The following ALDH1A2 variants were observed in gnomAD, a reference collection of about 807,000 sequenced individuals.
ALDH1A2 encodes the protein aldehyde dehydrogenase 1 family member A2, also known as retinal dehydrogenase 2.
ALDH1A2 carries 27 observed loss-of-function variants against 60.3 expected under a neutral mutation model. The ratio of observed to expected loss-of-function variants is 0.45; its 90% confidence interval spans 0.33 to 0.62. The LOEUF (loss-of-function observed/expected upper bound fraction) is 0.62. ALDH1A2 is among the 20% of genes least tolerant of loss of function. The pLI is 0.02. For missense variants in ALDH1A2, 581 were observed against 643.8 expected, an observed-to-expected ratio of 0.90 and a Z score of 1.06; for synonymous variants, 289 against 232.4, an observed-to-expected ratio of 1.24 and a Z score of -2.21.
intron 1 of ALDH1A2, among the ~76,000 whole-genome samples, chr15:58,019,166 T>G (rs1466277299): frequency 6.6e-6 from 1 of 152,074 alleles, no homozygotes; most frequent in African/African-American, 2.4e-5. Flanking sequence ...AAAAAAAAAG[T>G]TTAAAAGTCA....
At chr15:57,973,951 A>T (rs1894153336) in intron 7 of ALDH1A2, among the ~76,000 whole-genome samples, 1 of 152,134 alleles carries the variant, frequency 6.6e-6, no homozygotes, top group Non-Finnish European at 1.5e-5. Flanking sequence ...TCTTTCCCAA[A>T]TTCTCCCTTC....
intron 4 of ALDH1A2, among the ~76,000 whole-genome samples, chr15:58,008,247 G>T (rs1895521370): frequency 6.6e-6 from 1 of 151,992 alleles, no homozygotes. Flanking sequence ...AAACTTTTTG[G>T]GGAAAAACAG....
chr15:58,014,964 A>C (rs562944575), intron 1 of ALDH1A2, among the ~76,000 whole-genome samples: 1 of 152,332 alleles, frequency 6.6e-6, no homozygotes, highest in South Asian at 2.1e-4. Context: ...ATTGAGATTA[A>C]AATGGCAAAG....
chr15:58,051,614 T>C (rs1363591617), intron 1 of ALDH1A2, among the ~76,000 whole-genome samples: 1 of 152,132 alleles, frequency 6.6e-6, no homozygotes, highest in East Asian at 1.9e-4. Flanking sequence ...ATGAGAGGCC[T>C]ATATGAGAAA....
intron 7 of ALDH1A2, among the ~76,000 whole-genome samples, chr15:57,984,286 G>T (rs1021663865): frequency 1.6e-4 from 24 of 152,314 alleles, no homozygotes; most frequent in African/African-American, 5.5e-4. Context: ...TTGACACAAA[G>T]TAAGTGCTAA....
At chr15:58,008,653 A>G (rs1035875512) in intron 4 of ALDH1A2, among the ~76,000 whole-genome samples, 1 of 152,122 alleles carries the variant, frequency 6.6e-6, no homozygotes, top group South Asian at 2.1e-4. Flanking sequence ...GTTTGAAAAG[A>G]TATTTAAACA....
chr15:58,033,760 T>C (rs553723814), intron 1 of ALDH1A2, among the ~76,000 whole-genome samples: 30 of 151,472 alleles, frequency 2.0e-4, no homozygotes, highest in African/African-American at 7.0e-4. Flanking sequence ...TTCTCCACTA[T>C]GTGCTTTTGC....
intron 1 of ALDH1A2, among the ~76,000 whole-genome samples, chr15:58,021,734 C>T (rs1895934595): frequency 6.6e-6 from 1 of 152,254 alleles, no homozygotes; most frequent in African/African-American, 2.4e-5. Context: ...GAAACTCAGG[C>T]TATTACTGCT....
chr15:57,984,891 T>C (rs147972976), intron 7 of ALDH1A2, among the ~76,000 whole-genome samples: 2,081 of 152,324 alleles, frequency 0.014, 56 homozygotes, highest in African/African-American at 0.047. Context: ...CTGGTTTTTG[T>C]CCTTTATTCC....
At position 57,969,562 on chromosome 15, in the gene ALDH1A2, G is replaced by A. The variant is rs35867617; in HGVS notation, c.799-3735C>T. ...ACATGACCAGAAGGTGGGAGTGCAC[G>A]GCAAGATAAAGGAGGCTGCAAGGGT... On this transcript the variant is annotated intron_variant, in intron 7 of 12. Transcript: ENST00000249750. 7.1e-3 allele frequency among the ~76,000 whole-genome samples: 1,083 copies of A among 152,244 alleles called. 6 individuals are homozygous for A. Among genetic ancestry groups the A allele is most frequent in the Middle Eastern group, 0.034 (10 of 294 alleles).
intron 4 of ALDH1A2, among the ~76,000 whole-genome samples, chr15:58,005,810 T>C (rs1895430651): frequency 6.6e-6 from 1 of 151,814 alleles, no homozygotes; most frequent in Admixed American, 6.6e-5. Flanking sequence ...ATGATTAGGA[T>C]CTAGGCAGGG....
intron 1 of ALDH1A2, among the ~76,000 whole-genome samples, chr15:58,057,286 T>G (rs1404631876): frequency 1.3e-5 from 2 of 151,862 alleles, no homozygotes; most frequent in Admixed American, 1.3e-4. Context: ...TGAACATATG[T>G]TTAACAAGCT....
chr15:58,035,148 A>C (rs150851913), intron 1 of ALDH1A2, among the ~76,000 whole-genome samples: 1 of 151,752 alleles, frequency 6.6e-6, no homozygotes, highest in East Asian at 1.9e-4. Flanking sequence ...ATACAGGCCT[A>C]TTCATACATA....
chr15:57,993,597 G>A (rs1894963866), intron 5 of ALDH1A2, among the ~76,000 whole-genome samples: 1 of 152,118 alleles, frequency 6.6e-6, no homozygotes, highest in Non-Finnish European at 1.5e-5. Flanking sequence ...AAAATAAACT[G>A]CATATACTGA....
Position 58,065,677 on chromosome 15 carries a change from G to A in ALDH1A2, c.-27C>T, listed in dbSNP as rs199636927. 4.7e-6 allele frequency: 7 copies of A among 1,502,114 alleles called. No individual in the cohort carries two copies. The African/African-American group carries it at 6.9e-5, about 15-fold the overall frequency. The allele number at this position is 1,502,114 out of a possible 1,614,324, so 93.0% of individuals were successfully genotyped here. A position where few individuals can be genotyped will look rare whatever the true frequency, so the allele number is the denominator to read the frequency against. On this transcript the variant is annotated 5_prime_UTR_variant, in exon 1 of 13. Transcript: ENST00000249750. The stretch of plus-strand genomic sequence containing the variant: ...GTGGCGGGCCGGGTGTCCCTAGCCC[G>A]CGGCGTGGGGCAGTGCGGGCTGTGC...
chr15:57,963,747 C>T, intron 9 of ALDH1A2, 138 bp downstream of exon 9: 1 of 854,568 alleles, frequency 1.2e-6, no homozygotes, highest in Non-Finnish European at 1.9e-6. Flanking sequence ...GCTCCATTTC[C>T]AGCCACGAAG....
intron 1 of ALDH1A2, among the ~76,000 whole-genome samples, chr15:58,044,232 T>C (rs1017203993): frequency 1.3e-5 from 2 of 151,990 alleles, no homozygotes; most frequent in African/African-American, 4.8e-5. Context: ...GGTGGTTTGC[T>C]GCACCTATCA....
chr15:58,047,856 G>A (rs940695597), intron 1 of ALDH1A2, among the ~76,000 whole-genome samples: 2 of 151,856 alleles, frequency 1.3e-5, no homozygotes, highest in African/African-American at 4.8e-5. Context: ...GCATTGTATA[G>A]AAAAAACACC....
At chr15:58,012,344 C>A (rs374574391) in intron 3 of ALDH1A2, among the ~76,000 whole-genome samples, 4 of 152,110 alleles carry the variant, frequency 2.6e-5, no homozygotes, top group Admixed American at 2.0e-4. Context: ...GTGCTAAGAA[C>A]CATGCTAGGA....
Sources: allele counts gnomAD v4.1 joint callset (sites outside exome capture counted in the v4.1 genomes callset), GRCh38; gene constraint gnomAD v4.1.1; transcripts MANE v1.5; gene names NCBI Gene and HGNC (gene_info 2026-07-23, HGNC 2026-07-21).